The following SLC9A3 variants were observed in gnomAD, a reference collection of about 807,000 sequenced individuals.
SLC9A3 encodes sodium/hydrogen exchanger 3.
A neutral mutation model predicts 86.8 loss-of-function variants in SLC9A3; 37 were observed. That is an observed-to-expected ratio of 0.43 (90% CI 0.33 to 0.56). SLC9A3 has a LOEUF of 0.56. Ranked by LOEUF, SLC9A3 falls within the 20% of genes least tolerant of loss-of-function variation. SLC9A3 has a pLI of 0.06. For missense variants in SLC9A3, 1,011 were observed against 1,171.9 expected, an observed-to-expected ratio of 0.86 and a Z score of 2.00; for synonymous variants, 581 against 528.3, an observed-to-expected ratio of 1.10 and a Z score of -1.37.
At chr5:487,914 T>C (rs933456898) in intron 3 of SLC9A3, among the ~76,000 whole-genome samples, 11 of 152,122 alleles carry the variant, frequency 7.2e-5, no homozygotes, top group Admixed American at 6.5e-4. Flanking sequence ...GTGATCCACC[T>C]GCCTCGGCCT....
rs149259683 is a variant in SLC9A3 at position 499,091 on chromosome 5, C to T, written c.212-7020G>A. Among the ~76,000 whole-genome samples, 1,066 of 152,304 alleles carry T rather than the reference C, an allele frequency of 7.0e-3. 21 individuals are homozygous for T. Among genetic ancestry groups the T allele is most frequent in the African/African-American group, 0.022 (919 of 41,554 alleles). ...TCTTCTCCTGAAACCAGGGGCTCTG[C>T]GGTTGATGGAAGTCCTCAGAGGGCG... On this transcript the variant is annotated intron_variant, in intron 1 of 16. Coordinates refer to ENST00000264938, the MANE Select transcript of SLC9A3 (RefSeq NM_004174.4).
Position 471,799 on chromosome 5 carries a change from A to T in SLC9A3, c.*1580T>A, listed in dbSNP as rs779284389. On this transcript the variant is annotated 3_prime_UTR_variant, in exon 17 of 17. Coordinates refer to ENST00000264938, the MANE Select transcript of SLC9A3 (RefSeq NM_004174.4). ...AGCTTCTCCGAAGCAGCGGTCATGC[A>T]GGCTTTTGTGTGGCTGACGCTTCCC... 8.8e-6 allele frequency: 4 copies of T among 456,472 alleles called. No individual in the cohort carries two copies. The highest frequency in any genetic ancestry group is 2.0e-5 in the African/African-American group (1 of 50,096). The allele number at this position is 456,472 out of a possible 1,614,324, so 28.3% of individuals were successfully genotyped here. A position where few individuals can be genotyped will look rare whatever the true frequency, so the allele number is the denominator to read the frequency against.
At chr5:509,479 G>A (rs1304645970) in intron 1 of SLC9A3, among the ~76,000 whole-genome samples, 2 of 142,264 alleles carry the variant, frequency 1.4e-5, no homozygotes, top group African/African-American at 5.2e-5. Flanking sequence ...GGGAAGGAGG[G>A]AGGGAGGGAG....
intron 14 of SLC9A3, 23 bp downstream of exon 14, chr5:475,997 T>C (rs1445076529): frequency 1.3e-6 from 2 of 1,589,100 alleles, no homozygotes; most frequent in Non-Finnish European, 1.7e-6. Flanking sequence ...AGTCCCAGCG[T>C]TCCTGCAGGG....
At position 497,974 on chromosome 5, in the gene SLC9A3, C is replaced by T. The variant is rs1002489758; in HGVS notation, c.212-5903G>A. On this transcript the variant is annotated intron_variant, in intron 1 of 16. Coordinates refer to ENST00000264938, the MANE Select transcript of SLC9A3 (RefSeq NM_004174.4). The surrounding 1 kb of genome is among the most constrained non-coding windows in gnomAD (Gnocchi z 5.4). Reference sequence around the variant, plus strand: ...CTGGTCAGCTATGAAGCCTTAGCCTCGCTTGTGGGAGTCCCTGCCTCACGG... The same window carrying T: ...CTGGTCAGCTATGAAGCCTTAGCCTTGCTTGTGGGAGTCCCTGCCTCACGG... 2.6e-5 allele frequency among the ~76,000 whole-genome samples: 4 copies of T among 152,250 alleles called. No homozygotes were observed. The highest frequency in any genetic ancestry group is 1.3e-4 in the Admixed American group (2 of 15,288).
At chr5:499,417 C>T (rs1016545749) in intron 1 of SLC9A3, among the ~76,000 whole-genome samples, 11 of 152,370 alleles carry the variant, frequency 7.2e-5, no homozygotes, top group African/African-American at 2.4e-4. Context: ...GGGGCCACCC[C>T]GCTTTCTGGG....
intron 9 of SLC9A3, among the ~76,000 whole-genome samples, chr5:481,038 C>T (rs1456475043): frequency 6.6e-6 from 1 of 152,136 alleles, no homozygotes; most frequent in East Asian, 1.9e-4. Context: ...TACAGGCCCA[C>T]GCCACCACCC....
chr5:519,587 C>T (rs967798966), intron 1 of SLC9A3, among the ~76,000 whole-genome samples: 2 of 152,182 alleles, frequency 1.3e-5, no homozygotes, highest in Non-Finnish European at 2.9e-5. Flanking sequence ...CCCTGGGACA[C>T]GCTGGGTAAG....
At chr5:515,373 CT>C (rs1401943371) in intron 1 of SLC9A3, among the ~76,000 whole-genome samples, 1 of 152,116 alleles carries the variant, frequency 6.6e-6, no homozygotes, top group Non-Finnish European at 1.5e-5. Flanking sequence ...GGCACCCTGG[CT>C]GCTCTCCTGA....
chr5:512,992 A>G (rs1733602210), intron 1 of SLC9A3, among the ~76,000 whole-genome samples: 2 of 152,302 alleles, frequency 1.3e-5, no homozygotes, highest in African/African-American at 2.4e-5. Context: ...AGAGGGGGAA[A>G]GGCGGTTACA....
At chr5:480,314 C>T (rs1739084631) in intron 9 of SLC9A3, 1 of 221,012 alleles carries the variant, frequency 4.5e-6, no homozygotes, top group Non-Finnish European at 9.1e-6. Context: ...ACACCCTGAG[C>T]CCTTAGACTT....
rs1324968382 is a variant in SLC9A3 at position 484,879 on chromosome 5, G to A, written c.755-182C>T. ...TTCAGCAAGTGGGGAGGACCCTCCC[G>A]TGCCCCTGGGAGCCTGGCCCCAGGC... On this transcript the variant is annotated intron_variant, in intron 4 of 16. Transcript: ENST00000264938. 2.6e-5 allele frequency among the ~76,000 whole-genome samples: 4 copies of A among 152,308 alleles called. 1 individual carries two copies. Among genetic ancestry groups the A allele is most frequent in the South Asian group, 2.1e-4 (1 of 4,818 alleles).
chr5:483,294 G>A lies in SLC9A3; in HGVS notation c.1121C>T (p.Thr374Met). 6.4e-7 allele frequency: 1 copy of A among 1,555,720 alleles called. No individual in the cohort carries two copies. The highest frequency in any genetic ancestry group is 8.7e-7 in the Non-Finnish European group (1 of 1,149,228). ...WTWNTAFVLL[T>M]LVFISVYRAI... The stretch of plus-strand genomic sequence containing the variant: ...CCGGTACACGGAGATGAAGACCAGC[G>A]TCAGGAGCACGAAGGCCGTGTTCCA... Residue 374 changes from threonine (T) to methionine (M), a missense_variant, in exon 6 of 17, where the codon ACG becomes ATG. Physicochemically the swap from Thr to Met is moderately conservative, Grantham distance 81. Transcript: ENST00000264938.
At chr5:473,444 C>T (rs1738514737) in intron 16 of SLC9A3, 62 bp from the exon 17 acceptor site, 1 of 1,309,654 alleles carries the variant, frequency 7.6e-7, no homozygotes, top group Non-Finnish European at 9.8e-7. Context: ...GAGGGGCGTC[C>T]CCGGGGGCCT....
intron 1 of SLC9A3, among the ~76,000 whole-genome samples, chr5:517,608 ATCT>A (rs1173983119): frequency 6.6e-6 from 1 of 150,858 alleles, no homozygotes; most frequent in Non-Finnish European, 1.5e-5. Context: ...TCACTCACCC[ATCT>A]ATCAATCCAC....
At chr5:481,212 C>T (rs1739142784) in intron 9 of SLC9A3, among the ~76,000 whole-genome samples, 1 of 152,354 alleles carries the variant, frequency 6.6e-6, no homozygotes, top group African/African-American at 2.4e-5. Context: ...TTGACTGATA[C>T]TAACCCTGTT....
chr5:524,267 A>T lies in SLC9A3; in HGVS notation c.56T>A (p.Leu19Gln). 7.4e-7 allele frequency: 1 copy of T among 1,350,288 alleles called. No homozygotes were observed. The highest frequency in any genetic ancestry group is 1.9e-5 in the South Asian group (1 of 53,296). The allele number at this position is 1,350,288 out of a possible 1,614,324, so 83.6% of individuals were successfully genotyped here. A position where few individuals can be genotyped will look rare whatever the true frequency, so the allele number is the denominator to read the frequency against. Residue 19 changes from leucine to glutamine, a missense_variant, in exon 1 of 17, where the codon CTG becomes CAG. By Grantham distance (113) the Leu-to-Gln change is moderately radical. Around this residue, in one of 3 missense-constraint regions of SLC9A3, gnomAD observed 49 missense variants for 35.6 expected, o/e 1.38. Coordinates refer to ENST00000264938, the MANE Select transcript of SLC9A3 (RefSeq NM_004174.4). ...PDRGLLLALALGGLARAGGVE... is the reference protein window; with the variant it reads ...PDRGLLLALAQGGLARAGGVE... ...GCCCCCGGCCCGCGCCAGCCCGCCC[A>T]GCGCCAGCGCCAGCAGCAGCCCCCG...
chr5:507,368 C>CG (rs57033605), intron 1 of SLC9A3, among the ~76,000 whole-genome samples: 124,387 of 146,704 alleles, frequency 0.85, 52,931 homozygotes, highest in Admixed American at 0.87. Context: ...GGGGTTTCAC[C>CG]GTTTTTTTTT....
At chr5:501,946 C>T (rs116277480) in intron 1 of SLC9A3, among the ~76,000 whole-genome samples, 2,946 of 152,332 alleles carry the variant, frequency 0.019, 87 homozygotes, top group African/African-American at 0.064. Context: ...CGAGCGAGGC[C>T]GGGCCCCCGG....
Sources: gnomAD v4.1 joint callset for allele counts (sites outside exome capture counted in the v4.1 genomes callset) on GRCh38, gnomAD v4.1.1 for gene constraint, gnomAD v4.1.1 regional missense constraint, Gnocchi (gnomAD v3.1) non-coding constraint, MANE v1.5 for transcripts, NCBI Gene and HGNC (gene_info 2026-07-23, HGNC 2026-07-21) for gene names.